SCRIB: variants seen among roughly 807,000 people sequenced by gnomAD.
The protein encoded by SCRIB is scribble planar cell polarity protein.
A neutral mutation model predicts 170.0 loss-of-function variants in SCRIB; 72 were observed. That is an observed-to-expected ratio of 0.42 (90% CI 0.35 to 0.52). The LOEUF (loss-of-function observed/expected upper bound fraction) is 0.52. Among genes scored for constraint, SCRIB ranks in the 20% least tolerant of loss-of-function variants. SCRIB has a pLI of 0.02. For synonymous variants in SCRIB, 1,298 were observed against 1,044.3 expected, an observed-to-expected ratio of 1.24 and a Z score of -4.68; for missense variants, 2,475 against 2,338.5, an observed-to-expected ratio of 1.06 and a Z score of -1.20.
rs780497086 is a variant in SCRIB, at chr8:143,809,735, G to A, written c.1531-17C>T. On this transcript the variant is annotated splice_polypyrimidine_tract_variant and intron_variant, in intron 13 of 36. Transcript: ENST00000356994. ...CCGCTTCTCCTGCGGCGGGAAGTGGGGTCAGGCTTCGACGGAGCTCCCGAC... is the reference window on the plus strand; with the variant it reads ...CCGCTTCTCCTGCGGCGGGAAGTGGAGTCAGGCTTCGACGGAGCTCCCGAC... The A allele has an allele frequency of 6.2e-7, 1 of 1,603,730 alleles. No homozygotes were observed. The highest frequency in any genetic ancestry group is 1.1e-5 in the South Asian group (1 of 91,012).
chr8:143,793,179 G>A (rs939601933), intron 28 of SCRIB, 96 bp from the exon 29 acceptor site: 84 of 665,882 alleles, frequency 1.3e-4, no homozygotes, highest in Admixed American at 5.2e-4. Context: ...CTGTCCCCCC[G>A]CCTGCCTTTG....
At chr8:143,791,946 C>T in intron 33 of SCRIB, 33 bp from the exon 34 acceptor site, 1 of 1,508,042 alleles carries the variant, frequency 6.6e-7, no homozygotes, top group Non-Finnish European at 8.9e-7. Flanking sequence ...TTGGAAGCAG[C>T]CCATGCGGCA....
chr8:143,812,682 C>G, intron 8 of SCRIB, 135 bp downstream of exon 8: 1 of 1,244,896 alleles, frequency 8.0e-7, no homozygotes, highest in Non-Finnish European at 1.1e-6. Flanking sequence ...CTCCCCTCCC[C>G]AGGGACAGCT....
chr8:143,811,916 G>A (rs1331816413), intron 9 of SCRIB, among the ~76,000 whole-genome samples: 24 of 152,092 alleles, frequency 1.6e-4, no homozygotes, highest in Admixed American at 1.6e-3. Context: ...CTTTGTGAGG[G>A]GCAGGCAGAC....
rs782268601 is a variant in SCRIB at position 143,804,687 on chromosome 8, G to T, written c.2890C>A (p.Pro964Thr). 1.3e-6 allele frequency: 2 copies of T among 1,566,620 alleles called. No individual in the cohort carries two copies. Among genetic ancestry groups the T allele is most frequent in the Non-Finnish European group, 1.7e-6 (2 of 1,153,198 alleles). ...LPPSPLPHSS[P>T]PTAAVATTSI... is the part of the protein sequence containing the mutation. ...GTGGTGGCAACAGCAGCGGTGGGGG[G>T]TGAGGAATGTGGCAGAGGGCTGGGA... Residue 964 changes from proline (P) to threonine (T), a missense_variant, in exon 21 of 37, where the codon CCC becomes ACC. Pro to Thr is a conservative substitution (Grantham distance 38). This residue lies in a region of SCRIB where 1,966 missense variants were observed against 1,742.9 expected (regional missense o/e 1.13). Coordinates refer to ENST00000356994, the MANE Select transcript of SCRIB (RefSeq NM_182706.5).
chr8:143,803,352 G>C (rs782568660), intron 24 of SCRIB, 31 bp downstream of exon 24: 3 of 1,519,114 alleles, frequency 2.0e-6, no homozygotes, highest in East Asian at 4.8e-5. Flanking sequence ...GGGCCAGAGG[G>C]AGGCCCGGTC....
intron 18 of SCRIB, among the ~76,000 whole-genome samples, chr8:143,805,746 A>C (rs1373692181): frequency 6.6e-6 from 1 of 152,156 alleles, no homozygotes; most frequent in Non-Finnish European, 1.5e-5. Context: ...CCTCCGGCCC[A>C]TCTGCACAGC....
chr8:143,793,275 G>GC, intron 28 of SCRIB, 192 bp from the exon 29 acceptor site: 1 of 472,848 alleles, frequency 2.1e-6, no homozygotes, highest in South Asian at 4.5e-5. Context: ...GACAACCTCT[G>GC]CCCCTGGGGG....
chr8:143,791,661 G>T lies in SCRIB; in HGVS notation c.4770+5C>A. On this transcript the variant is annotated splice_donor_5th_base_variant and intron_variant, in intron 35 of 36. Coordinates refer to ENST00000356994, the MANE Select transcript of SCRIB (RefSeq NM_182706.5). Reference sequence around the variant, plus strand: ...CAGGCATGCAGAGGCCTGGAGGCCAGGTACCTGGATGTCATAGACAGGTCT... The same window carrying T: ...CAGGCATGCAGAGGCCTGGAGGCCATGTACCTGGATGTCATAGACAGGTCT... The T allele has an allele frequency of 6.2e-7, 1 of 1,604,858 alleles. No homozygotes were observed. The highest frequency in any genetic ancestry group is 1.1e-5 in the South Asian group (1 of 90,912).
Position 143,815,442 on chromosome 8 carries a change from T to G in SCRIB, c.-70A>C. 1 of 1,146,616 alleles carries G rather than the reference T, an allele frequency of 8.7e-7. No homozygotes were observed. The highest frequency in any genetic ancestry group is 1.1e-6 in the Non-Finnish European group (1 of 934,074). 71.0% of individuals were successfully genotyped at this position (1,146,616 alleles called of 1,614,324 possible). A position where few individuals can be genotyped will look rare whatever the true frequency, so the allele number is the denominator to read the frequency against. On this transcript the variant is annotated 5_prime_UTR_variant, in exon 1 of 37. Transcript: ENST00000356994. ...CTCGGGGCCGGGGGGCGGGGCTCAG[T>G]CCGCATGGGCGCCGCGCATGGGGAG... is the stretch of plus-strand genomic sequence containing the variant.
At chr8:143,795,972 GA>G in intron 24 of SCRIB, among the ~76,000 whole-genome samples, 1 of 152,166 alleles carries the variant, frequency 6.6e-6, no homozygotes, top group South Asian at 2.1e-4. Flanking sequence ...GCTGGGCAGG[GA>G]TTCTGAAACA....
intron 18 of SCRIB, among the ~76,000 whole-genome samples, chr8:143,805,675 G>A (rs1423271136): frequency 1.3e-5 from 2 of 152,196 alleles, no homozygotes; most frequent in African/African-American, 2.4e-5. Flanking sequence ...GACACACACT[G>A]GCCACGGGAG....
intron 18 of SCRIB, among the ~76,000 whole-genome samples, chr8:143,805,820 C>A (rs1393345424): frequency 6.6e-6 from 1 of 152,222 alleles, no homozygotes; most frequent in East Asian, 1.9e-4. Context: ...CCAGGAGCAG[C>A]AGTTCCCACG....
Position 143,813,714 on chromosome 8 carries a change from G to A in SCRIB, c.369C>T (p.Gly123=). ...GAGCCAGGCTGCGCAGCTGAGTGAA[G>A]CCATCAGGGAGCCTGGATGGGAGGA... The part of the protein sequence containing the change: ...SGNPLSRLPD[G]FTQLRSLAHL... The change falls in exon 4 of 37, where the codon GGC becomes GGT. Residue 123 remains glycine (G), a synonymous_variant. Coordinates refer to ENST00000356994, the MANE Select transcript of SCRIB (RefSeq NM_182706.5). The A allele has an allele frequency of 1.2e-6, 2 of 1,613,574 alleles. No homozygotes were observed. Among genetic ancestry groups the A allele is most frequent in the South Asian group, 1.1e-5 (1 of 91,084 alleles).
rs1814712932 is a variant in SCRIB, at chr8:143,792,103, T to C, written c.4545A>G (p.Arg1515=). The change falls in exon 33 of 37, where the codon CGA becomes CGG. Residue 1515 remains arginine, a synonymous_variant. Coordinates refer to ENST00000356994, the MANE Select transcript of SCRIB (RefSeq NM_182706.5). ...RMKSLEQDAL[R]AQMVLSRSQE... The stretch of plus-strand genomic sequence containing the variant: ...GGGACCTGCTGAGGACCATCTGTGC[T>C]CGGAGAGCGTCCTGTTCCAATGACT... 1 of 1,588,374 alleles carries C rather than the reference T, an allele frequency of 6.3e-7. No individual in the cohort carries two copies. The highest frequency in any genetic ancestry group is 8.5e-7 in the Non-Finnish European group (1 of 1,174,100).
rs961258600 is a variant in SCRIB, at chr8:143,806,794, G to A, written c.2268+130C>T. On this transcript the variant is annotated intron_variant, in intron 17 of 36. Transcript: ENST00000356994. The stretch of plus-strand genomic sequence containing the variant: ...GGACTTCGGGATCCCACAACAGTAG[G>A]TGCCTTGGGCCCAGCCCGTGTCCCC... The A allele has an allele frequency of 3.2e-5, 23 of 715,702 alleles. No individual in the cohort carries two copies. The African/African-American group carries it at 3.4e-4, about 11-fold the overall frequency. 44.3% of individuals were successfully genotyped at this position (715,702 alleles called of 1,614,324 possible). A position where few individuals can be genotyped will look rare whatever the true frequency, so the allele number is the denominator to read the frequency against.
At chr8:143,798,539 ATCC>A (rs1466058144) in intron 24 of SCRIB, among the ~76,000 whole-genome samples, 4 of 152,104 alleles carry the variant, frequency 2.6e-5, no homozygotes, top group Non-Finnish European at 4.4e-5. Flanking sequence ...GGCTCGAGCG[ATCC>A]TCCTGTTTCA....
chr8:143,811,344 G>A lies in SCRIB; in HGVS notation c.908C>T (p.Ala303Val). Reference protein sequence around the residue: ...ELILTENLLMALPRSLGKLTK... With the variant: ...ELILTENLLMVLPRSLGKLTK... ...CAGCTTTCCCAGGGAGCGGGGCAGG[G>A]CCTGGCCAAGAAGAGGAGGTCAGAG... The change falls in exon 10 of 37, where the codon GCC (alanine) becomes GTC (valine). Residue 303 changes from alanine to valine, a missense_variant and splice_region_variant. Ala to Val is a moderately conservative substitution (Grantham distance 64, BLOSUM62 0). Transcript: ENST00000356994. The A allele has an allele frequency of 1.2e-6, 2 of 1,611,356 alleles. No homozygotes were observed. The highest frequency in any genetic ancestry group is 2.2e-5 in the East Asian group (1 of 44,814).
chr8:143,795,008 G>T (rs139578287), intron 27 of SCRIB, 30 bp downstream of exon 27: 2 of 1,598,476 alleles, frequency 1.3e-6, no homozygotes, highest in Non-Finnish European at 8.5e-7. Context: ...ACAGGACGGA[G>T]GTGGGGGGCA....
Sources: gnomAD v4.1 joint callset for allele counts (sites outside exome capture counted in the v4.1 genomes callset) on GRCh38, gnomAD v4.1.1 for gene constraint, gnomAD v4.1.1 regional missense constraint, MANE v1.5 for transcripts, NCBI Gene and HGNC (gene_info 2026-07-23, HGNC 2026-07-21) for gene names.